ASTN2: variants seen among roughly 807,000 people sequenced by gnomAD.
ASTN2 encodes astrotactin-2.
ASTN2 carries 54 observed loss-of-function variants against 139.8 expected under a neutral mutation model. The ratio of observed to expected loss-of-function variants is 0.39; its 90% CI spans 0.31 to 0.48. The LOEUF (loss-of-function observed/expected upper bound fraction) is 0.48, where lower values mean the gene tolerates loss of function less well. Ranked by LOEUF, ASTN2 falls within the 20% of genes least tolerant of loss-of-function variation. The pLI is 0.95. For missense variants in ASTN2, 1,565 were observed against 1,725.1 expected, an observed-to-expected ratio of 0.91 and a Z score of 1.64; for synonymous variants, 756 against 719.5, an observed-to-expected ratio of 1.05 and a Z score of -0.81.
At position 116,856,550 on chromosome 9, in the gene ASTN2, C is replaced by T. The variant is rs79550088; in HGVS notation, c.2040+7033G>A. 3.1e-4 allele frequency among the ~76,000 whole-genome samples: 47 copies of T among 152,284 alleles called. No homozygotes were observed. The East Asian group carries it at 8.7e-3, about 28-fold the overall frequency. On this transcript the variant is annotated intron_variant, in intron 11 of 22. Coordinates refer to ENST00000313400, the MANE Select transcript of ASTN2 (RefSeq NM_001365068.1). ...GAAAGGATGAGGAATGGAGAAAAGC[C>T]GGTCTCTCTCCCCTACTGAACCAGA...
At chr9:116,678,361 A>C (rs931935485) in intron 16 of ASTN2, among the ~76,000 whole-genome samples, 5 of 152,228 alleles carry the variant, frequency 3.3e-5, no homozygotes, top group Non-Finnish European at 5.9e-5. Context: ...TACATAATTA[A>C]AATCACTTAC....
At chr9:116,590,090 G>C (rs1854318075) in intron 19 of ASTN2, among the ~76,000 whole-genome samples, 1 of 152,230 alleles carries the variant, frequency 6.6e-6, no homozygotes. Context: ...AGATGCAGCA[G>C]GGGCTGAGTG....
intron 7 of ASTN2, among the ~76,000 whole-genome samples, chr9:116,980,388 AT>A (rs1479200077): frequency 3.9e-5 from 6 of 151,992 alleles, no homozygotes; most frequent in African/African-American, 1.4e-4. Context: ...TAAAAGTTGA[AT>A]TAAAAAAAAA....
intron 10 of ASTN2, among the ~76,000 whole-genome samples, chr9:116,937,417 A>G (rs1257998720): frequency 6.6e-6 from 1 of 152,144 alleles, no homozygotes; most frequent in Non-Finnish European, 1.5e-5. Flanking sequence ...CACTTCCCTC[A>G]GATCTCATTT....
At chr9:116,544,624 G>C (rs1852015066) in intron 19 of ASTN2, among the ~76,000 whole-genome samples, 1 of 152,118 alleles carries the variant, frequency 6.6e-6, no homozygotes, top group South Asian at 2.1e-4. Context: ...TTATTTGATG[G>C]ATTGGTTCTT....
intron 6 of ASTN2, among the ~76,000 whole-genome samples, chr9:117,034,703 A>G (rs2132639783): frequency 6.6e-6 from 1 of 152,306 alleles, no homozygotes; most frequent in Non-Finnish European, 1.5e-5. Flanking sequence ...TTATCTCCCC[A>G]GATAACCTAA....
chr9:117,301,457 A>T lies in ASTN2; in HGVS notation c.443-9944T>A, dbSNP rs1007211342. 2.6e-5 allele frequency among the ~76,000 whole-genome samples: 4 copies of T among 152,210 alleles called. No homozygotes were observed. In the South Asian group the frequency reaches 8.3e-4, roughly 32 times the overall value. On this transcript the variant is annotated intron_variant, in intron 1 of 22. Coordinates refer to ENST00000313400, the MANE Select transcript of ASTN2 (RefSeq NM_001365068.1). ...CATTTAGCCCTCATAGGAAACCCAC[A>T]TAGGTAAAGTAGATAGTAGAACACC...
intron 1 of ASTN2, among the ~76,000 whole-genome samples, chr9:117,388,949 G>A (rs1830474009): frequency 6.6e-6 from 1 of 152,144 alleles, no homozygotes; most frequent in African/African-American, 2.4e-5. Flanking sequence ...AAAGAAACAA[G>A]TACAGATATT....
At chr9:117,404,853 GAA>G (rs1001156672) in intron 1 of ASTN2, among the ~76,000 whole-genome samples, 1 of 151,590 alleles carries the variant, frequency 6.6e-6, no homozygotes, top group African/African-American at 2.4e-5. Flanking sequence ...AGAAAAGGGG[GAA>G]AAAAAAGAAG....
intron 13 of ASTN2, among the ~76,000 whole-genome samples, chr9:116,792,090 C>A (rs1257914111): frequency 1.3e-5 from 2 of 151,892 alleles, no homozygotes; most frequent in Non-Finnish European, 2.9e-5. Context: ...GGCTATTTTT[C>A]TTTCCTCTCT....
In ASTN2 at chr9:116,553,772, T is replaced by C. The variant is rs531497405; in HGVS notation, c.3355+64552A>G. Reference sequence around the variant, plus strand: ...TACTCAACAAAGGTTATAGCCTCTTTTCCCTCTCTTAGACAGTCTGGGAAA... The same window carrying C: ...TACTCAACAAAGGTTATAGCCTCTTCTCCCTCTCTTAGACAGTCTGGGAAA... On this transcript the variant is annotated intron_variant, in intron 19 of 22. Coordinates refer to ENST00000313400, the MANE Select transcript of ASTN2 (RefSeq NM_001365068.1). Among the ~76,000 whole-genome samples the C allele has an allele frequency of 3.7e-4, 57 of 152,332 alleles. No individual in the cohort carries two copies. The South Asian group carries it at 0.011, about 30-fold the overall frequency.
intron 6 of ASTN2, among the ~76,000 whole-genome samples, chr9:117,021,063 A>G (rs1379192992): frequency 1.3e-5 from 2 of 152,040 alleles, no homozygotes; most frequent in Non-Finnish European, 2.9e-5. Flanking sequence ...ACATGCAACA[A>G]TGCCTGGCTA....
chr9:116,995,725 G>GA (rs1588466974), intron 7 of ASTN2, among the ~76,000 whole-genome samples: 1 of 152,128 alleles, frequency 6.6e-6, no homozygotes, highest in South Asian at 2.1e-4. Flanking sequence ...AATGACTTTG[G>GA]AAAAAATCCA....
chr9:116,659,678 C>T (rs1336245742), intron 16 of ASTN2, among the ~76,000 whole-genome samples: 1 of 152,126 alleles, frequency 6.6e-6, no homozygotes, highest in South Asian at 2.1e-4. Context: ...CTCCCACCCC[C>T]AGGTAATGCC....
chr9:117,020,767 A>T (rs538527173), intron 6 of ASTN2, among the ~76,000 whole-genome samples: 5 of 152,278 alleles, frequency 3.3e-5, no homozygotes, highest in African/African-American at 1.2e-4. Context: ...TTAAAATGGC[A>T]TCTCTAAGCA....
chr9:116,581,664 A>C (rs1042143920), intron 19 of ASTN2, among the ~76,000 whole-genome samples: 4 of 152,154 alleles, frequency 2.6e-5, no homozygotes, highest in African/African-American at 9.7e-5. Context: ...GCAAAATGGG[A>C]AAGTTGAGTG....
intron 3 of ASTN2, among the ~76,000 whole-genome samples, chr9:117,170,201 C>T (rs1049143916): frequency 6.6e-6 from 1 of 152,054 alleles, no homozygotes; most frequent in African/African-American, 2.4e-5. Flanking sequence ...AAATCTCATA[C>T]TTCCTTTCCT....
intron 5 of ASTN2, among the ~76,000 whole-genome samples, chr9:117,060,198 C>T (rs1001881517): frequency 6.6e-6 from 1 of 151,380 alleles, no homozygotes; most frequent in Non-Finnish European, 1.5e-5. Flanking sequence ...GCAGTTCCAG[C>T]TACCTGGGAG....
At chr9:117,079,324 C>A (rs1828363457) in intron 5 of ASTN2, among the ~76,000 whole-genome samples, 1 of 152,094 alleles carries the variant, frequency 6.6e-6, no homozygotes, top group Non-Finnish European at 1.5e-5. Flanking sequence ...CCACTGCACT[C>A]CAACCTGAGT....
Sources: gnomAD v4.1 joint callset for allele counts (sites outside exome capture counted in the v4.1 genomes callset) on GRCh38, gnomAD v4.1.1 for gene constraint, MANE v1.5 for transcripts, NCBI Gene and HGNC (gene_info 2026-07-23, HGNC 2026-07-21) for gene names.